The following HEATR4 variants were observed in gnomAD, a reference collection of about 807,000 sequenced individuals.
HEATR4 encodes HEAT repeat-containing protein 4.
HEATR4 carries 95 observed loss-of-function variants against 108.8 expected under a neutral mutation model. The observed-to-expected ratio is 0.87, with a 90% CI of 0.74 to 1.04. HEATR4 has a LOEUF of 1.04. Ranked by LOEUF, HEATR4 falls within the 50% of genes least tolerant of loss-of-function variation. HEATR4 has a pLI of 0.00. For missense variants in HEATR4, 1,152 were observed against 1,253.8 expected (o/e 0.92, Z 1.23); for synonymous variants, 443 against 459.4 (o/e 0.96, Z 0.46).
chr14:73,569,594 T>C, the HEATR4 span: 301 of 1,601,970 alleles, frequency 1.9e-4, 1 homozygote, highest in African/African-American at 1.9e-3. Flanking sequence ...GCGCCGACAC[T>C]CTTGGCGAGC....
the HEATR4 span, chr14:73,571,355 G>GC: frequency 6.2e-6 from 1 of 160,206 alleles, no homozygotes; most frequent in Non-Finnish European, 1.4e-5. Flanking sequence ...TCCAGGTGCT[G>GC]CCCTACCCAG....
Position 73,492,308 on chromosome 14 carries a change from T to C in HEATR4, c.2844+758A>G. 1 of 1,614,046 alleles carries C rather than the reference T, an allele frequency of 6.2e-7. No homozygotes were observed. Among genetic ancestry groups the C allele is most frequent in the Non-Finnish European group, 8.5e-7 (1 of 1,179,904 alleles). ...GTACCAGCGCAATACCTGGGGTGAC[T>C]TCTTAGAGGCCATACTGCCTCTGGC... On this transcript the variant is annotated intron_variant, in intron 17 of 17. Transcript: ENST00000553558. This position sits in a 1 kb window ranked among gnomAD's most constrained non-coding sequence, Gnocchi z 4.9.
the HEATR4 span, among the ~76,000 whole-genome samples, chr14:73,625,364 ATTTAT>A: frequency 6.9e-6 from 1 of 144,002 alleles, no homozygotes; most frequent in Non-Finnish European, 1.5e-5. Flanking sequence ...AGCCTATTTT[ATTTAT>A]TTTATTTTTT....
At chr14:73,592,029 C>A in the HEATR4 span, 1 of 1,447,528 alleles carries the variant, frequency 6.9e-7, no homozygotes, top group Non-Finnish European at 9.1e-7. Context: ...CATTGCCGTG[C>A]GCGGCCTGGC....
intron 1 of HEATR4, chr14:73,537,953 C>G: frequency 5.8e-6 from 6 of 1,026,796 alleles, no homozygotes; most frequent in Admixed American, 4.8e-5. Context: ...GTGTGTGTGT[C>G]CCCTTCGCCC....
chr14:73,570,328 G>C, the HEATR4 span, among the ~76,000 whole-genome samples: 493 of 151,922 alleles, frequency 3.2e-3, 8 homozygotes, highest in African/African-American at 0.012. Flanking sequence ...CCAGCACTTT[G>C]GGAAGTCTCG....
At chr14:73,495,062 A>AAAC (rs1886026068) in intron 16 of HEATR4, among the ~76,000 whole-genome samples, 166 bp downstream of exon 16, 1 of 19,018 alleles carries the variant, frequency 5.3e-5, no homozygotes, top group African/African-American at 2.0e-4. Flanking sequence ...ACAAACAAAC[A>AAAC]AAAAAAAAAC....
At position 73,509,303 on chromosome 14, in the gene HEATR4, G is replaced by A; in HGVS notation, c.1720+9C>T. ...ATTTCCAGGTCAGAAGTAACAGGGA[G>A]TTACTCACCCTTCAGAAGGGCAGTC... On this transcript the variant is annotated intron_variant, in intron 8 of 17. Coordinates refer to ENST00000553558, the MANE Select transcript of HEATR4 (RefSeq NM_001220484.1). 1 of 1,613,442 alleles carries A rather than the reference G, an allele frequency of 6.2e-7. No individual in the cohort carries two copies. The highest frequency in any genetic ancestry group is 8.5e-7 in the Non-Finnish European group (1 of 1,179,388).
intron 7 of HEATR4, among the ~76,000 whole-genome samples, chr14:73,510,213 G>A (rs948349865): frequency 2.6e-5 from 4 of 151,852 alleles, no homozygotes; most frequent in African/African-American, 9.7e-5. Flanking sequence ...TTATAATATA[G>A]TGTTTTTACA....
At chr14:73,479,699 G>A (rs1422411121) in intron 17 of HEATR4, among the ~76,000 whole-genome samples, 2 of 151,750 alleles carry the variant, frequency 1.3e-5, no homozygotes, top group Admixed American at 6.6e-5. Context: ...CAAAGTGCTG[G>A]GATTACAGGC....
the HEATR4 span, among the ~76,000 whole-genome samples, chr14:73,630,236 C>T: frequency 3.3e-5 from 5 of 151,944 alleles, no homozygotes; most frequent in Non-Finnish European, 5.9e-5. Context: ...CTTCCTCCGC[C>T]CAACTATCAC....
the HEATR4 span, among the ~76,000 whole-genome samples, chr14:73,623,080 G>T: frequency 6.6e-6 from 1 of 151,644 alleles, no homozygotes; most frequent in South Asian, 2.1e-4. Context: ...GGCTAATTTT[G>T]TATTTTTTTT....
intron 17 of HEATR4, chr14:73,490,933 A>G (rs1885664594): frequency 7.9e-7 from 1 of 1,264,094 alleles, no homozygotes; most frequent in Non-Finnish European, 1.0e-6. Context: ...CCCCCTTCCC[A>G]GAGTGCACCG....
At chr14:73,537,763 C>G (rs538289742) in intron 1 of HEATR4, 2 of 1,236,470 alleles carry the variant, frequency 1.6e-6, no homozygotes, top group Admixed American at 2.5e-5. Context: ...GCCACGACCC[C>G]GACCCCGGGC....
At chr14:73,496,171 A>G (rs544476688) in intron 15 of HEATR4, among the ~76,000 whole-genome samples, 43 of 152,280 alleles carry the variant, frequency 2.8e-4, no homozygotes, top group Admixed American at 2.6e-3. Context: ...CCTTTCAGCT[A>G]GAGATTTTCT....
intron 6 of HEATR4, among the ~76,000 whole-genome samples, chr14:73,513,374 G>A (rs937689610): frequency 1.3e-5 from 2 of 151,048 alleles, no homozygotes; most frequent in South Asian, 2.1e-4. Flanking sequence ...CAGGAGAATC[G>A]CTTGAACCTG....
At position 73,537,787 on chromosome 14, in the gene HEATR4, G is replaced by C. The variant is rs1211488430; in HGVS notation, c.-151-7543C>G. ...CCGACCCCGGGCGGCTGCTGTGCCG[G>C]GTGCGGCACGAGCGCTACTTCCTCC... On this transcript the variant is annotated intron_variant, in intron 1 of 17. Transcript: ENST00000553558. The C allele has an allele frequency of 1.1e-5, 14 of 1,227,644 alleles. 4 individuals are homozygous for C. In the African/African-American group the frequency reaches 2.2e-4, roughly 19 times the overall value. The allele number at this position is 1,227,644 out of a possible 1,614,324, so 76.0% of individuals were successfully genotyped here.
rs765867302 is a variant in HEATR4, at chr14:73,500,683, T to TAG, written c.2151_2152dup (p.Tyr718SerfsTer3). On this transcript the variant is annotated frameshift_variant, in exon 12 of 18. Coordinates refer to ENST00000553558, the MANE Select transcript of HEATR4 (RefSeq NM_001220484.1). LOFTEE classifies it high-confidence loss of function. ...CATAAGCTTGAGCTCACCTATCAGG[T>TAG]AGAGAGCTTCCACACGCTCCTGGGA... is the stretch of plus-strand genomic sequence containing the variant. 2.5e-5 allele frequency: 40 copies of TAG among 1,613,924 alleles called. No homozygotes were observed. Among genetic ancestry groups the TAG allele is most frequent in the Non-Finnish European group, 3.2e-5 (38 of 1,179,990 alleles).
At chr14:73,500,445 C>T in intron 12 of HEATR4, 105 bp downstream of exon 12, 2 of 1,247,562 alleles carry the variant, frequency 1.6e-6, no homozygotes, top group Non-Finnish European at 2.2e-6. Context: ...TCCAATCTCT[C>T]ATTCTGTGTC....
Sources: gnomAD v4.1 joint callset for allele counts (sites outside exome capture counted in the v4.1 genomes callset) on GRCh38, gnomAD v4.1.1 for gene constraint, Gnocchi (gnomAD v3.1) non-coding constraint, MANE v1.5 for transcripts, NCBI Gene and HGNC (gene_info 2026-07-23, HGNC 2026-07-21) for gene names.